PCCA: variants seen among roughly 807,000 people sequenced by gnomAD.
PCCA encodes propionyl-CoA carboxylase subunit alpha, also known as propionyl-CoA carboxylase alpha chain, mitochondrial.
PCCA carries 74 observed loss-of-function variants against 101.3 expected under a neutral mutation model. The observed-to-expected ratio is 0.73, with a 90% CI of 0.61 to 0.89. The LOEUF (loss-of-function observed/expected upper bound fraction) is 0.89. Among genes scored for constraint, PCCA ranks in the 40% least tolerant of loss-of-function variants. PCCA has a pLI of 0.00. For synonymous variants in PCCA, 294 were observed against 313.6 expected, an observed-to-expected ratio of 0.94 and a Z score of 0.66; for missense variants, 891 against 907.0, an observed-to-expected ratio of 0.98 and a Z score of 0.23.
chr13:100,380,063 G>A (rs946880909), intron 19 of PCCA, among the ~76,000 whole-genome samples: 11 of 151,020 alleles, frequency 7.3e-5, no homozygotes, highest in Admixed American at 1.3e-4. Flanking sequence ...AGACACACAC[G>A]AAAAAACAAA....
At chr13:100,094,389 T>G (rs949220181) in intron 1 of PCCA, among the ~76,000 whole-genome samples, 29 of 152,320 alleles carry the variant, frequency 1.9e-4, no homozygotes, top group African/African-American at 7.0e-4. Flanking sequence ...TTTTGAAAGA[T>G]AAGCATATTG....
At chr13:100,159,897 G>A (rs371168131) in intron 6 of PCCA, among the ~76,000 whole-genome samples, 31 of 152,156 alleles carry the variant, frequency 2.0e-4, no homozygotes, top group African/African-American at 7.5e-4. Flanking sequence ...CGGGGAAAGG[G>A]TTCTAGATCC....
intron 19 of PCCA, among the ~76,000 whole-genome samples, chr13:100,413,321 A>C (rs2783209): frequency 6.6e-6 from 1 of 152,190 alleles, no homozygotes; most frequent in African/African-American, 2.4e-5. Flanking sequence ...GTCCACTTAG[A>C]CAATAGATGT....
intron 4 of PCCA, among the ~76,000 whole-genome samples, chr13:100,138,739 C>T (rs948972054): frequency 6.6e-6 from 1 of 151,818 alleles, no homozygotes; most frequent in East Asian, 1.9e-4. Flanking sequence ...TCAAGACCAG[C>T]CTGGCCAAGA....
chr13:100,254,688 G>A (rs142761964), intron 8 of PCCA, among the ~76,000 whole-genome samples: 48 of 152,236 alleles, frequency 3.2e-4, no homozygotes, highest in South Asian at 8.3e-4. Context: ...CCATGGTGTG[G>A]TGACAGCATA....
intron 4 of PCCA, among the ~76,000 whole-genome samples, chr13:100,140,004 G>T (rs554524329): frequency 1.3e-5 from 2 of 151,640 alleles, no homozygotes; most frequent in Non-Finnish European, 2.9e-5. Context: ...TGGGATCTGT[G>T]GTTAGTTCAG....
At chr13:100,188,653 G>T (rs1224919946) in intron 6 of PCCA, among the ~76,000 whole-genome samples, 1 of 152,202 alleles carries the variant, frequency 6.6e-6, no homozygotes, top group Non-Finnish European at 1.5e-5. Context: ...CATAGTGGTT[G>T]TACTAGCTTA....
chr13:100,315,597 T>C (rs1053789328), intron 16 of PCCA, among the ~76,000 whole-genome samples: 4 of 152,220 alleles, frequency 2.6e-5, no homozygotes, highest in Non-Finnish European at 4.4e-5. Context: ...TCGGTTAAAA[T>C]GAATTTCAAA....
rs2084416966 is a variant in PCCA at position 100,486,862 on chromosome 13, T to G, written c.1900-28565T>G. On this transcript the variant is annotated intron_variant, in intron 21 of 23. Coordinates refer to ENST00000376285, the MANE Select transcript of PCCA (RefSeq NM_000282.4). The stretch of plus-strand genomic sequence containing the variant: ...TGAGCCCAGGAAGTCAAGGCTGCAG[T>G]GAGCTGTGATCGTACCACTGCACTC... Among the ~76,000 whole-genome samples the G allele has an allele frequency of 2.0e-5, 3 of 152,176 alleles. No individual in the cohort carries two copies. The South Asian group carries it at 6.2e-4, about 32-fold the overall frequency.
chr13:100,094,228 CAAA>C (rs1219610982), intron 1 of PCCA, among the ~76,000 whole-genome samples: 1 of 54,030 alleles, frequency 1.9e-5, no homozygotes. Flanking sequence ...AAATCTGTCT[CAAA>C]AAAAAAAAAA....
chr13:100,518,422 G>A (rs2086994113), intron 22 of PCCA, among the ~76,000 whole-genome samples: 1 of 152,204 alleles, frequency 6.6e-6, no homozygotes. Context: ...AGGGCCTTGT[G>A]CACTGATTCA....
At chr13:100,342,559 C>T (rs764004921) in intron 18 of PCCA, among the ~76,000 whole-genome samples, 4 of 151,868 alleles carry the variant, frequency 2.6e-5, no homozygotes, top group African/African-American at 2.4e-5. Flanking sequence ...TGAGCCACCG[C>T]GCCCAGCCTT....
chr13:100,288,961 T>A (rs2064913583), intron 12 of PCCA, among the ~76,000 whole-genome samples: 1 of 152,200 alleles, frequency 6.6e-6, no homozygotes, highest in Non-Finnish European at 1.5e-5. Context: ...TACTTCCCAG[T>A]GTTGTTTCAC....
intron 18 of PCCA, among the ~76,000 whole-genome samples, chr13:100,355,495 A>G (rs1351386770): frequency 6.6e-6 from 1 of 152,184 alleles, no homozygotes; most frequent in African/African-American, 2.4e-5. Flanking sequence ...TGATATGCAA[A>G]TATCAATTTT....
chr13:100,407,139 C>T (rs1484761478), intron 19 of PCCA, among the ~76,000 whole-genome samples: 1 of 152,210 alleles, frequency 6.6e-6, no homozygotes, highest in Non-Finnish European at 1.5e-5. Context: ...ATAGCATATA[C>T]TTGGACATTA....
intron 8 of PCCA, among the ~76,000 whole-genome samples, chr13:100,248,895 C>T (rs957651144): frequency 4.0e-5 from 6 of 151,842 alleles, no homozygotes; most frequent in Non-Finnish European, 8.8e-5. Context: ...TATGGGCACC[C>T]GCCACCACGC....
intron 1 of PCCA, among the ~76,000 whole-genome samples, chr13:100,093,886 C>G (rs1027886299): frequency 1.1e-4 from 17 of 152,122 alleles, no homozygotes; most frequent in African/African-American, 4.1e-4. Context: ...CTGCAGTGAG[C>G]TGTGATCACA....
intron 2 of PCCA, among the ~76,000 whole-genome samples, chr13:100,107,864 G>C (rs185246247): frequency 2.0e-5 from 3 of 152,250 alleles, no homozygotes; most frequent in Middle Eastern, 3.4e-3. Context: ...CCTAAGTGTC[G>C]GCTGCTTAAT....
At chr13:100,128,780 C>T (rs1043621122) in intron 4 of PCCA, among the ~76,000 whole-genome samples, 2 of 152,202 alleles carry the variant, frequency 1.3e-5, no homozygotes, top group Non-Finnish European at 2.9e-5. Flanking sequence ...CAGACACTCT[C>T]ATCCTCTGGC....
Sources: allele counts gnomAD v4.1 joint callset (sites outside exome capture counted in the v4.1 genomes callset), GRCh38; gene constraint gnomAD v4.1.1; transcripts MANE v1.5; gene names NCBI Gene and HGNC (gene_info 2026-07-23, HGNC 2026-07-21).